NDST3: variants seen among roughly 807,000 people sequenced by gnomAD.
NDST3 encodes N-deacetylase and N-sulfotransferase 3, also known as bifunctional heparan sulfate N-deacetylase/N-sulfotransferase 3.
Under a neutral mutation model 96.1 loss-of-function variants are expected in NDST3, and 58 were observed. That is an observed-to-expected ratio of 0.60 (90% CI 0.49 to 0.75). The LOEUF (loss-of-function observed/expected upper bound fraction) is 0.75. NDST3 is among the 30% of genes least tolerant of loss of function. The pLI is 0.00. For synonymous variants in NDST3, 333 were observed against 359.7 expected (o/e 0.93, Z 0.84); for missense variants, 788 against 1,034.2 (o/e 0.76, Z 3.27).
At position 118,135,020 on chromosome 4, in the gene NDST3, G is replaced by C. The variant is rs185444294; in HGVS notation, c.1225-3034G>C. ...CCAAAAATTTAGCATGATGGCTAAA[G>C]CTTTTAAAACCTGATAGTCTGCCTT... On this transcript the variant is annotated intron_variant, in intron 4 of 13. Coordinates refer to ENST00000296499, the MANE Select transcript of NDST3 (RefSeq NM_004784.3). 1.7e-3 allele frequency among the ~76,000 whole-genome samples: 256 copies of C among 152,328 alleles called. 1 individual carries two copies. The highest frequency in any genetic ancestry group is 5.9e-3 in the African/African-American group (245 of 41,582).
chr4:118,123,199 T>C (rs1021783085), intron 4 of NDST3, among the ~76,000 whole-genome samples: 2 of 152,196 alleles, frequency 1.3e-5, no homozygotes, highest in Non-Finnish European at 2.9e-5. Context: ...TCCTGGTGGC[T>C]TTTATAAATA....
chr4:118,143,818 A>T (rs1201397311), intron 6 of NDST3, 134 bp downstream of exon 6: 1 of 874,382 alleles, frequency 1.1e-6, no homozygotes, highest in East Asian at 3.1e-5. Flanking sequence ...AGTAGTAAAA[A>T]CTAAATGGAA....
In NDST3 at chr4:118,204,432, C is replaced by T. The variant is rs1363713619; in HGVS notation, c.1540-20059C>T. 2.1e-4 allele frequency among the ~76,000 whole-genome samples: 30 copies of T among 144,582 alleles called. 5 individuals are homozygous for T. The highest frequency in any genetic ancestry group is 4.0e-4 in the Non-Finnish European group (26 of 65,278). 94.9% of individuals were successfully genotyped at this position (144,582 alleles called of 152,430 possible). A position where few individuals can be genotyped will look rare whatever the true frequency, so the allele number is the denominator to read the frequency against. ...GTGCAGCCACGTGGTGGAAGATTTA[C>T]GGTCACAAAAAGGAAAGTGACATAC... On this transcript the variant is annotated intron_variant, in intron 6 of 13. Coordinates refer to ENST00000296499, the MANE Select transcript of NDST3 (RefSeq NM_004784.3).
chr4:118,163,497 A>C (rs1735336442), intron 6 of NDST3, among the ~76,000 whole-genome samples: 1 of 152,032 alleles, frequency 6.6e-6, no homozygotes, highest in Non-Finnish European at 1.5e-5. Flanking sequence ...AAACTATCGC[A>C]AGAACAAAAA....
Position 118,165,785 on chromosome 4 carries a change from G to A in NDST3, c.1539+22101G>A, listed in dbSNP as rs75662543. On this transcript the variant is annotated intron_variant, in intron 6 of 13. Transcript: ENST00000296499. ...AAAATGGGAAATTAACAAATATGTG[G>A]AAATTAAATAAAACACTCTTCAATA... 9.1e-3 allele frequency among the ~76,000 whole-genome samples: 1,378 copies of A among 151,832 alleles called. 24 individuals carry two copies. The highest frequency in any genetic ancestry group is 0.082 in the Middle Eastern group (24 of 294).
chr4:118,224,426 G>C (rs2125994490), intron 6 of NDST3, 65 bp from the exon 7 acceptor site: 2 of 1,424,828 alleles, frequency 1.4e-6, no homozygotes, highest in East Asian at 4.7e-5. Context: ...GCATGGCTGT[G>C]ATTATACTGC....
intron 2 of NDST3, among the ~76,000 whole-genome samples, chr4:118,099,795 C>T (rs1246664045): frequency 6.6e-6 from 1 of 151,976 alleles, no homozygotes; most frequent in Non-Finnish European, 1.5e-5. Flanking sequence ...TAATATTAAC[C>T]TAATTAACTG....
At chr4:118,061,499 G>A (rs184120579) in intron 2 of NDST3, among the ~76,000 whole-genome samples, 9 of 152,216 alleles carry the variant, frequency 5.9e-5, no homozygotes, top group East Asian at 3.9e-4. Flanking sequence ...AGACAAATGT[G>A]ACAAATCTGG....
rs868429210 is a variant in NDST3 at position 118,126,553 on chromosome 4, T to C, written c.1225-11501T>C. Among the ~76,000 whole-genome samples the C allele has an allele frequency of 6.7e-4, 96 of 142,400 alleles. 1 individual carries two copies. In the East Asian group the frequency reaches 0.015, roughly 22 times the overall value. 93.4% of individuals were successfully genotyped at this position (142,400 alleles called of 152,430 possible). A position where few individuals can be genotyped will look rare whatever the true frequency, so the allele number is the denominator to read the frequency against. ...ATATATACACATATATATATATATATACACCTCATAATATACCTCACTTTC... is the reference window on the plus strand; with the variant it reads ...ATATATACACATATATATATATATACACACCTCATAATATACCTCACTTTC... On this transcript the variant is annotated intron_variant, in intron 4 of 13. Coordinates refer to ENST00000296499, the MANE Select transcript of NDST3 (RefSeq NM_004784.3).
At chr4:118,035,641 A>C (rs947435264) in intron 1 of NDST3, among the ~76,000 whole-genome samples, 1 of 151,952 alleles carries the variant, frequency 6.6e-6, no homozygotes, top group Non-Finnish European at 1.5e-5. Flanking sequence ...AGTTTGAAGG[A>C]GGCTCCTTTT....
chr4:118,047,230 T>G (rs1724821254), intron 1 of NDST3, among the ~76,000 whole-genome samples: 1 of 152,188 alleles, frequency 6.6e-6, no homozygotes, highest in Non-Finnish European at 1.5e-5. Context: ...CTTGGGCATG[T>G]GAAAACATCC....
chr4:118,082,080 G>A (rs1728067901), intron 2 of NDST3, among the ~76,000 whole-genome samples: 1 of 152,108 alleles, frequency 6.6e-6, no homozygotes, highest in African/African-American at 2.4e-5. Flanking sequence ...TTCCTTGCAA[G>A]CACACACACA....
chr4:118,244,940 T>C (rs1741222570), intron 12 of NDST3, among the ~76,000 whole-genome samples: 1 of 152,140 alleles, frequency 6.6e-6, no homozygotes. Context: ...ATAAGCAAAA[T>C]AAGCTTTAAA....
At chr4:118,130,894 C>T (rs756497961) in intron 4 of NDST3, among the ~76,000 whole-genome samples, 2 of 152,178 alleles carry the variant, frequency 1.3e-5, no homozygotes, top group Non-Finnish European at 2.9e-5. Flanking sequence ...TGTCTTGCCA[C>T]CCTCTCCTGG....
intron 2 of NDST3, among the ~76,000 whole-genome samples, chr4:118,071,752 C>A (rs1011858038): frequency 2.0e-5 from 3 of 152,032 alleles, no homozygotes; most frequent in African/African-American, 7.2e-5. Flanking sequence ...TAAGGTAGAA[C>A]AATTTATATT....
chr4:118,190,895 T>G (rs71608350), intron 6 of NDST3, among the ~76,000 whole-genome samples: 7,873 of 152,328 alleles, frequency 0.052, 289 homozygotes, highest in Non-Finnish European at 0.083. Flanking sequence ...ACCAAGAATT[T>G]TAAAACAAGT....
chr4:118,153,605 C>G (rs1239023562), intron 6 of NDST3, among the ~76,000 whole-genome samples: 1 of 152,108 alleles, frequency 6.6e-6, no homozygotes, highest in Non-Finnish European at 1.5e-5. Context: ...GGTGGATCAC[C>G]TGAGTTCAGG....
chr4:118,253,067 G>C (rs999517094), intron 12 of NDST3, among the ~76,000 whole-genome samples: 1 of 152,120 alleles, frequency 6.6e-6, no homozygotes, highest in African/African-American at 2.4e-5. Context: ...TTACCTTCTA[G>C]TTGTATGATA....
intron 6 of NDST3, among the ~76,000 whole-genome samples, chr4:118,144,230 G>A (rs1168539674): frequency 1.3e-5 from 2 of 151,432 alleles, no homozygotes; most frequent in Non-Finnish European, 2.9e-5. Context: ...ACCCAGGCTC[G>A]AGTGCAGTGG....
Sources: gnomAD v4.1 joint callset for allele counts (sites outside exome capture counted in the v4.1 genomes callset) on GRCh38, gnomAD v4.1.1 for gene constraint, MANE v1.5 for transcripts, NCBI Gene and HGNC (gene_info 2026-07-23, HGNC 2026-07-21) for gene names.